The following ARHGAP6 variants were observed in gnomAD, a reference collection of about 807,000 sequenced individuals.
The protein encoded by ARHGAP6 is Rho GTPase activating protein 6.
Under a neutral mutation model 55.7 loss-of-function variants are expected in ARHGAP6, and 16 were observed. The ratio of observed to expected loss-of-function variants is 0.29; its 90% confidence interval spans 0.19 to 0.44. The LOEUF is 0.44. Ranked by LOEUF, ARHGAP6 falls within the 20% of genes least tolerant of loss-of-function variation. The pLI is 1.00. For synonymous variants in ARHGAP6, 382 were observed against 360.9 expected (o/e 1.06, Z -0.66); for missense variants, 698 against 808.9 (o/e 0.86, Z 1.66).
intron 1 of ARHGAP6, among the ~76,000 whole-genome samples, chrX:11,362,873 A>G (rs1025468535): frequency 9.0e-6 from 1 of 111,208 alleles, no homozygotes; most frequent in Non-Finnish European, 1.9e-5. Context: ...TATCGGTCAC[A>G]TAGATAAAAT....
At chrX:11,319,512 G>A (rs1254827894) in intron 1 of ARHGAP6, among the ~76,000 whole-genome samples, 2 of 111,630 alleles carry the variant, frequency 1.8e-5, no homozygotes, top group Non-Finnish European at 3.8e-5. Context: ...GCTTACACCT[G>A]TACCCCTCTC....
At chrX:11,393,838 G>A in intron 1 of ARHGAP6, among the ~76,000 whole-genome samples, 1 of 111,529 alleles carries the variant, frequency 9.0e-6, no homozygotes, top group South Asian at 3.7e-4. Context: ...TTAATACTGA[G>A]AAAAATATTT....
chrX:11,224,923 C>T (rs1197981697), intron 2 of ARHGAP6, among the ~76,000 whole-genome samples: 1 of 110,773 alleles, frequency 9.0e-6, no homozygotes, highest in Admixed American at 9.7e-5. Flanking sequence ...GATCCAACTC[C>T]AGTTTGACCA....
chrX:11,320,766 TACACACAC>T (rs56815077), intron 1 of ARHGAP6, among the ~76,000 whole-genome samples: 1,755 of 85,638 alleles, frequency 0.02, 15 homozygotes, highest in South Asian at 0.027. Flanking sequence ...AATATCTCTT[TACACACAC>T]ACACACACAC....
chrX:11,360,051 A>T (rs2048989345), intron 1 of ARHGAP6, among the ~76,000 whole-genome samples: 1 of 111,723 alleles, frequency 9.0e-6, no homozygotes, highest in African/African-American at 3.3e-5. Context: ...GACCAGATGG[A>T]TTCACAGCCG....
intron 1 of ARHGAP6, among the ~76,000 whole-genome samples, chrX:11,569,205 G>A (rs1213958783): frequency 2.7e-5 from 3 of 111,103 alleles, no homozygotes; most frequent in Non-Finnish European, 5.7e-5. Context: ...CTTGGGGAGG[G>A]GTTTCTAGCA....
At chrX:11,440,078 A>C (rs891027689) in intron 1 of ARHGAP6, among the ~76,000 whole-genome samples, 2 of 112,362 alleles carry the variant, frequency 1.8e-5, no homozygotes, top group African/African-American at 6.5e-5. Flanking sequence ...ATTCAATTAC[A>C]CCAAATGCCA....
intron 1 of ARHGAP6, among the ~76,000 whole-genome samples, chrX:11,547,793 C>A (rs1326606302): frequency 4.5e-5 from 5 of 112,177 alleles, no homozygotes; most frequent in Non-Finnish European, 9.4e-5. Flanking sequence ...TGCTGTGGAA[C>A]AAAAGGTGAG....
chrX:11,283,914 G>A (rs1289170962), intron 1 of ARHGAP6, among the ~76,000 whole-genome samples: 3 of 111,915 alleles, frequency 2.7e-5, no homozygotes, highest in African/African-American at 9.7e-5. Flanking sequence ...TGTTTTAAGC[G>A]ACTAAGTTTG....
chrX:11,148,235 A>C (rs1349362092), intron 10 of ARHGAP6, among the ~76,000 whole-genome samples: 2 of 111,967 alleles, frequency 1.8e-5, no homozygotes, highest in African/African-American at 6.5e-5. Flanking sequence ...CAGGGTCCCA[A>C]ATAAAGGCAT....
intron 1 of ARHGAP6, among the ~76,000 whole-genome samples, chrX:11,278,374 T>G (rs900780266): frequency 1.8e-5 from 2 of 111,162 alleles, no homozygotes; most frequent in Admixed American, 9.6e-5. Flanking sequence ...GATGTGACTA[T>G]AGAATAATGA....
chrX:11,489,184 T>C lies in ARHGAP6; in HGVS notation c.588+175057A>G, dbSNP rs891356239. Among the ~76,000 whole-genome samples, 4 of 111,271 alleles carry C rather than the reference T, an allele frequency of 3.6e-5. No individual in the cohort carries two copies. In the Admixed American group the frequency reaches 3.8e-4, roughly 11 times the overall value. ...CATAGAAAAATAAAGAGAAAGAATT[T>C]AGAACTAGACAAGGAAGATCTTCAG... On this transcript the variant is annotated intron_variant, in intron 1 of 12. Coordinates refer to ENST00000337414, the MANE Select transcript of ARHGAP6 (RefSeq NM_013427.3).
intron 1 of ARHGAP6, among the ~76,000 whole-genome samples, chrX:11,554,481 C>T (rs1397855833): frequency 8.0e-5 from 9 of 111,813 alleles, no homozygotes; most frequent in African/African-American, 1.6e-4. Flanking sequence ...CATAAATGCT[C>T]GAGGTGATGG....
At chrX:11,638,796 A>T (rs2147184139) in intron 1 of ARHGAP6, among the ~76,000 whole-genome samples, 1 of 112,077 alleles carries the variant, frequency 8.9e-6, no homozygotes, top group South Asian at 3.7e-4. Flanking sequence ...TATCCACAAA[A>T]ATTAAATGTA....
rs1265760052 is a variant in ARHGAP6 at position 11,664,673 on chromosome X, G to A, written c.156C>T (p.Gly52=). The change falls in exon 1 of 13, where the codon GGC becomes GGT. Residue 52 remains glycine (G), a synonymous_variant. Transcript: ENST00000337414. ...TGGCTCCCCGCGCACTGCCCTCCGCGCCCGCCTCGTCGCTCCCGCAGCCGC... is the reference window on the plus strand; with the variant it reads ...TGGCTCCCCGCGCACTGCCCTCCGCACCCGCCTCGTCGCTCCCGCAGCCGC... The part of the protein sequence containing the change: ...LIGGCGSDEA[G]AEGSARGATA... 2.6e-6 allele frequency: 3 copies of A among 1,164,031 alleles called. No homozygotes were observed. The highest frequency in any genetic ancestry group is 3.4e-6 in the Non-Finnish European group (3 of 872,720).
At chrX:11,478,054 A>G (rs188274356) in intron 1 of ARHGAP6, among the ~76,000 whole-genome samples, 1 of 112,032 alleles carries the variant, frequency 8.9e-6, no homozygotes, top group African/African-American at 3.2e-5. Flanking sequence ...CAGTATGACT[A>G]AAATTATAAA....
chrX:11,467,210 G>A (rs1009988401), intron 1 of ARHGAP6, among the ~76,000 whole-genome samples: 2 of 111,067 alleles, frequency 1.8e-5, no homozygotes, highest in African/African-American at 6.6e-5. Context: ...AGGCCTAGGC[G>A]GGAGGATTGC....
At chrX:11,541,390 G>C (rs919245220) in intron 1 of ARHGAP6, among the ~76,000 whole-genome samples, 1 of 110,721 alleles carries the variant, frequency 9.0e-6, no homozygotes, top group East Asian at 2.8e-4. Context: ...AGCCCTGTGA[G>C]AGCCCAATAA....
At chrX:11,506,020 T>G (rs778402366) in intron 1 of ARHGAP6, among the ~76,000 whole-genome samples, 12 of 111,148 alleles carry the variant, frequency 1.1e-4, no homozygotes, top group African/African-American at 3.9e-4. Flanking sequence ...AACCTGCACA[T>G]GTACCCCTGA....
Sources: allele counts gnomAD v4.1 joint callset (sites outside exome capture counted in the v4.1 genomes callset), GRCh38; gene constraint gnomAD v4.1.1; transcripts MANE v1.5; gene names NCBI Gene and HGNC (gene_info 2026-07-23, HGNC 2026-07-21).